Variants in RASGRP3 observed in about 807,000 individuals in gnomAD.
The protein encoded by RASGRP3 is ras guanyl-releasing protein 3.
A neutral mutation model predicts 82.7 loss-of-function variants in RASGRP3; 54 were observed. The ratio of observed to expected loss-of-function variants is 0.65; its 90% CI spans 0.52 to 0.82. RASGRP3 has a LOEUF of 0.82. Among genes scored for constraint, RASGRP3 ranks in the 40% least tolerant of loss-of-function variants. RASGRP3 has a pLI of 0.00. For missense variants in RASGRP3, 861 were observed against 828.9 expected (o/e 1.04, Z -0.48); for synonymous variants, 309 against 300.5 (o/e 1.03, Z -0.29).
chr2:33,460,580 T>C (rs1024220270), intron 2 of RASGRP3, among the ~76,000 whole-genome samples: 2 of 151,674 alleles, frequency 1.3e-5, no homozygotes, highest in African/African-American at 4.8e-5. Flanking sequence ...AATGGCGCGA[T>C]CTCGGCTCAC....
chr2:33,548,360 CAAAAAAAAAA>C (rs775598057), intron 13 of RASGRP3, among the ~76,000 whole-genome samples: 4 of 78,744 alleles, frequency 5.1e-5, no homozygotes, highest in Non-Finnish European at 6.9e-5. Flanking sequence ...GACTCCGTCT[CAAAAAAAAAA>C]AAAAAAAAAA....
At chr2:33,530,680 TCTC>T (rs1673034768) in intron 10 of RASGRP3, among the ~76,000 whole-genome samples, 1 of 152,114 alleles carries the variant, frequency 6.6e-6, no homozygotes, top group East Asian at 1.9e-4. Context: ...AATACTGCTC[TCTC>T]CTCCTCTTCA....
At chr2:33,503,801 A>T (rs892892379) in intron 1 of RASGRP3, among the ~76,000 whole-genome samples, 2 of 152,228 alleles carry the variant, frequency 1.3e-5, no homozygotes, top group African/African-American at 4.8e-5. Context: ...AATTCATATT[A>T]CATCTTCAGT....
At position 33,524,451 on chromosome 2, in the gene RASGRP3, A is replaced by C; in HGVS notation, c.710A>C (p.Asn237Thr). 6.3e-7 allele frequency: 1 copy of C among 1,599,096 alleles called. No individual in the cohort carries two copies. The highest frequency in any genetic ancestry group is 8.5e-7 in the Non-Finnish European group (1 of 1,172,990). The change falls in exon 9 of 18, where the codon AAT becomes ACT. Residue 237 changes from asparagine to threonine, a missense_variant. Transcript: ENST00000403687. The stretch of plus-strand genomic sequence containing the variant: ...TTGCAGAAGCTCCTTCAGCTCAAAA[A>C]TTTTAACACCCTGATGGCAGTGGTG... ...NVAKKLLQLK[N>T]FNTLMAVVGG...
At chr2:33,442,114 A>G (rs1308484552) in intron 1 of RASGRP3, among the ~76,000 whole-genome samples, 2 of 152,228 alleles carry the variant, frequency 1.3e-5, no homozygotes, top group African/African-American at 2.4e-5. Context: ...ACATATGAAA[A>G]AAGAAGTAAG....
intron 1 of RASGRP3, among the ~76,000 whole-genome samples, chr2:33,500,223 G>A (rs1481501240): frequency 1.3e-5 from 2 of 152,154 alleles, no homozygotes; most frequent in African/African-American, 4.8e-5. Context: ...GCAGGGGGCA[G>A]GCTTTGTATG....
intron 15 of RASGRP3, among the ~76,000 whole-genome samples, chr2:33,556,589 A>T (rs1202645605): frequency 1.3e-5 from 2 of 152,152 alleles, no homozygotes; most frequent in East Asian, 3.8e-4. Context: ...ATATAATAAA[A>T]CTACAAAAAG....
intron 15 of RASGRP3, among the ~76,000 whole-genome samples, chr2:33,557,743 G>A (rs1676159886): frequency 6.6e-6 from 1 of 151,744 alleles, no homozygotes; most frequent in Non-Finnish European, 1.5e-5. Flanking sequence ...CAAGTGCTGA[G>A]TGGAGGAACA....
intron 13 of RASGRP3, 55 bp from the exon 14 acceptor site, chr2:33,549,549 C>T (rs1293058987): frequency 1.3e-6 from 2 of 1,533,626 alleles, no homozygotes; most frequent in Non-Finnish European, 1.8e-6. Context: ...AGTGTGGCAA[C>T]TACTTAGCAA....
chr2:33,445,748 AT>A (rs1665465155), intron 1 of RASGRP3, among the ~76,000 whole-genome samples: 1 of 151,984 alleles, frequency 6.6e-6, no homozygotes, highest in African/African-American at 2.4e-5. Flanking sequence ...ACATTAATAT[AT>A]TAATAATATG....
intron 1 of RASGRP3, among the ~76,000 whole-genome samples, chr2:33,477,339 T>A (rs1378724): frequency 0.019 from 2,949 of 152,022 alleles, 106 homozygotes; most frequent in African/African-American, 0.068. Flanking sequence ...TTATAGCGAC[T>A]TTTTTTCCCC....
chr2:33,524,486 A>G lies in RASGRP3; in HGVS notation c.745A>G (p.Ser249Gly). Reference protein sequence around the residue: ...NTLMAVVGGLSHSSISRLKET... With the variant: ...NTLMAVVGGLGHSSISRLKET... The stretch of plus-strand genomic sequence containing the variant: ...CCTGATGGCAGTGGTGGGAGGCCTC[A>G]GTCATAGTTCCATTTCACGCCTCAA... The change falls in exon 9 of 18, where the codon AGT becomes GGT. Residue 249 changes from serine (S) to glycine (G), a missense_variant. Transcript: ENST00000403687. 1.9e-6 allele frequency: 3 copies of G among 1,606,372 alleles called. No homozygotes were observed. Among genetic ancestry groups the G allele is most frequent in the Non-Finnish European group, 2.6e-6 (3 of 1,176,306 alleles).
chr2:33,527,674 G>T (rs1427967287), intron 10 of RASGRP3, among the ~76,000 whole-genome samples: 3 of 152,138 alleles, frequency 2.0e-5, no homozygotes, highest in Non-Finnish European at 2.9e-5. Flanking sequence ...GAGTTCTTAG[G>T]CTCCTCCAGA....
At chr2:33,556,928 C>CACACACACACACACACAT (rs1553366467) in intron 15 of RASGRP3, among the ~76,000 whole-genome samples, 4 of 148,306 alleles carry the variant, frequency 2.7e-5, no homozygotes, top group African/African-American at 7.6e-5. Flanking sequence ...CACACACACA[C>CACACACACACACACACAT]GCAATTTTAT....
chr2:33,463,414 G>C (rs1394222934), intron 2 of RASGRP3, among the ~76,000 whole-genome samples: 1 of 152,052 alleles, frequency 6.6e-6, no homozygotes, highest in African/African-American at 2.4e-5. Context: ...GAAAAGAGAA[G>C]AGATAAAAGA....
At chr2:33,539,338 G>A in intron 12 of RASGRP3, 128 bp downstream of exon 12, 2 of 728,110 alleles carry the variant, frequency 2.7e-6, no homozygotes, top group Non-Finnish European at 4.7e-6. Flanking sequence ...GAACAATTTA[G>A]CAGGCACTTA....
chr2:33,512,722 G>A (rs1671049785), intron 2 of RASGRP3, among the ~76,000 whole-genome samples: 1 of 152,144 alleles, frequency 6.6e-6, no homozygotes, highest in African/African-American at 2.4e-5. Context: ...CAAGTTTCAT[G>A]ATATTCATTT....
At chr2:33,538,069 T>G (rs2151064978) in intron 11 of RASGRP3, among the ~76,000 whole-genome samples, 1 of 152,328 alleles carries the variant, frequency 6.6e-6, no homozygotes, top group Middle Eastern at 3.4e-3. Context: ...TATTAGAGAA[T>G]TAGATAACTG....
chr2:33,471,912 A>G (rs189692455), upstream of RASGRP3, among the ~76,000 whole-genome samples: 32 of 151,064 alleles, frequency 2.1e-4, no homozygotes, highest in African/African-American at 7.0e-4. Flanking sequence ...TTTTTTTAAG[A>G]ACTCTAAAGT....
Sources: allele counts gnomAD v4.1 joint callset (sites outside exome capture counted in the v4.1 genomes callset), GRCh38; gene constraint gnomAD v4.1.1; transcripts MANE v1.5; gene names NCBI Gene and HGNC (gene_info 2026-07-23, HGNC 2026-07-21).